The following ICAM4 variants were observed in gnomAD, a reference collection of about 807,000 sequenced individuals.
ICAM4 encodes the protein intercellular adhesion molecule 4.
ICAM4 carries 16 observed loss-of-function variants against 18.8 expected under a neutral mutation model. That is an observed-to-expected ratio of 0.85 (90% CI 0.58 to 1.29). The LOEUF (loss-of-function observed/expected upper bound fraction) is 1.29, where lower values mean the gene tolerates loss of function less well. ICAM4 is among the 50% of genes most tolerant of loss of function. The pLI is 0.00. For missense variants in ICAM4, 338 were observed against 364.3 expected (o/e 0.93, Z 0.59); for synonymous variants, 163 against 163.2 (o/e 1.00, Z 0.01).
Position 10,288,519 on chromosome 19 carries a change from C to T in ICAM4, c.*415C>T, listed in dbSNP as rs2040141355. On this transcript the variant is annotated 3_prime_UTR_variant, in exon 3 of 3. Coordinates refer to ENST00000380770, the MANE Select transcript of ICAM4 (RefSeq NM_001544.5). ...TGGAATCAATAAAGGCTTCCTTAACCAGCCTCTGTCCTGTGACCTAAGGGT... is the reference window on the plus strand; with the variant it reads ...TGGAATCAATAAAGGCTTCCTTAACTAGCCTCTGTCCTGTGACCTAAGGGT... 3.5e-6 allele frequency: 1 copy of T among 288,708 alleles called. No homozygotes were observed. Among genetic ancestry groups the T allele is most frequent in the African/African-American group, 2.2e-5 (1 of 45,688 alleles). The allele number at this position is 288,708 out of a possible 1,614,324, so 17.9% of individuals were successfully genotyped here. A position where few individuals can be genotyped will look rare whatever the true frequency, so the allele number is the denominator to read the frequency against.
At position 10,287,050 on chromosome 19, in the gene ICAM4, TGGCGGCCGC is replaced by T; in HGVS notation, c.39_47del (p.Leu13_Ala16delinsPhe). On this transcript the variant is annotated inframe_deletion, in exon 1 of 3. Transcript: ENST00000380770. This position sits in a 1 kb window ranked among gnomAD's most constrained non-coding sequence, Gnocchi z 8.7. ...TTCCCTCTGTCGCTGCTGTTTTTTT[TGGCGGCCGC>T]CTACCCGGGAGTTGGGAGCGCGCTG... 1 of 1,569,786 alleles carries T rather than the reference TGGCGGCCGC, an allele frequency of 6.4e-7. No homozygotes were observed. The highest frequency in any genetic ancestry group is 1.8e-5 in the Admixed American group (1 of 54,580).
At position 10,287,895 on chromosome 19, in the gene ICAM4, C is replaced by G. The variant is rs768046370; in HGVS notation, c.697+57C>G. On this transcript the variant is annotated intron_variant, in intron 2 of 2. Coordinates refer to ENST00000380770, the MANE Select transcript of ICAM4 (RefSeq NM_001544.5). The surrounding 1 kb of genome is among the most constrained non-coding windows in gnomAD (Gnocchi z 8.7). ...AGGAAGGGGGCAGAGAGAGTTATGA[C>G]CCCGAGAGGGCGCACAGACCAAGCG... is the stretch of plus-strand genomic sequence containing the variant. The G allele has an allele frequency of 6.2e-7, 1 of 1,607,624 alleles. No individual in the cohort carries two copies. Among genetic ancestry groups the G allele is most frequent in the African/African-American group, 1.3e-5 (1 of 74,860 alleles).
At position 10,287,473 on chromosome 19, in the gene ICAM4, A is replaced by G; in HGVS notation, c.395-63A>G. The G allele has an allele frequency of 1.9e-6, 3 of 1,591,496 alleles. No individual in the cohort carries two copies. The highest frequency in any genetic ancestry group is 2.6e-6 in the Non-Finnish European group (3 of 1,167,474). On this transcript the variant is annotated intron_variant, in intron 1 of 2. Transcript: ENST00000380770. The surrounding 1 kb of genome is among the most constrained non-coding windows in gnomAD (Gnocchi z 8.7). Reference sequence around the variant, plus strand: ...GGGCTGGAAGAGGTGGGGGAAGGGTAGTTGACAGTCGCTCTATAGGGAGCG... The same window carrying G: ...GGGCTGGAAGAGGTGGGGGAAGGGTGGTTGACAGTCGCTCTATAGGGAGCG...
In ICAM4 at chr19:10,287,972, C is replaced by G. The variant is rs2040133546; in HGVS notation, c.698-14C>G. On this transcript the variant is annotated splice_polypyrimidine_tract_variant and intron_variant, in intron 2 of 2. Coordinates refer to ENST00000380770, the MANE Select transcript of ICAM4 (RefSeq NM_001544.5). This position sits in a 1 kb window ranked among gnomAD's most constrained non-coding sequence, Gnocchi z 8.7. ...CCCTGTGTTCCGTTCCTAATTCTCG[C>G]CTTCTGCTCCCAGCTTGGAGCCCCG... 6.2e-7 allele frequency: 1 copy of G among 1,613,972 alleles called. No homozygotes were observed. Among genetic ancestry groups the G allele is most frequent in the Admixed American group, 1.7e-5 (1 of 59,996 alleles).
rs766565512 is a variant in ICAM4 at position 10,287,095 on chromosome 19, C to G, written c.83C>G (p.Thr28Ser). Residue 28 changes from threonine (T) to serine (S), a missense_variant, in exon 1 of 3, where the codon ACT becomes AGT. By Grantham distance (58) the Thr-to-Ser change is moderately conservative. Coordinates refer to ENST00000380770, the MANE Select transcript of ICAM4 (RefSeq NM_001544.5). This position sits in a 1 kb window ranked among gnomAD's most constrained non-coding sequence, Gnocchi z 8.7. The part of the protein sequence containing the change: ...PGVGSALGRR[T>S]KRAQSPKGSP... ...GTTGGGAGCGCGCTGGGACGCCGGA[C>G]TAAGCGGGCGCAAAGCCCCAAGGGT... 2 of 1,598,604 alleles carry G rather than the reference C, an allele frequency of 1.3e-6. No homozygotes were observed. Among genetic ancestry groups the G allele is most frequent in the Non-Finnish European group, 1.7e-6 (2 of 1,170,096 alleles).
In ICAM4 at chr19:10,287,893, G is replaced by A. The variant is rs747023961; in HGVS notation, c.697+55G>A. The stretch of plus-strand genomic sequence containing the variant: ...GGAGGAAGGGGGCAGAGAGAGTTAT[G>A]ACCCCGAGAGGGCGCACAGACCAAG... On this transcript the variant is annotated intron_variant, in intron 2 of 2. Coordinates refer to ENST00000380770, the MANE Select transcript of ICAM4 (RefSeq NM_001544.5). The surrounding 1 kb of genome is among the most constrained non-coding windows in gnomAD (Gnocchi z 8.7). The A allele has an allele frequency of 2.5e-6, 4 of 1,607,398 alleles. No individual in the cohort carries two copies. The highest frequency in any genetic ancestry group is 3.4e-6 in the Non-Finnish European group (4 of 1,178,028).
Position 10,287,372 on chromosome 19 carries a change from AAC to A in ICAM4, c.363_364del (p.Arg122LeufsTer177). ...ACTGCCTCGTGACCTGCGCAGGAAA[AAC>A]ACGCTGGGCCACCTCCAGGATCACC... ...AHCLVTCAGK[T>X]RWATSRITAY... On this transcript the variant is annotated frameshift_variant, in exon 1 of 3. Coordinates refer to ENST00000380770, the MANE Select transcript of ICAM4 (RefSeq NM_001544.5). LOFTEE classifies it high-confidence loss of function. This position sits in a 1 kb window ranked among gnomAD's most constrained non-coding sequence, Gnocchi z 8.7. 3.1e-6 allele frequency: 5 copies of A among 1,609,164 alleles called. No homozygotes were observed. The highest frequency in any genetic ancestry group is 4.2e-6 in the Non-Finnish European group (5 of 1,177,996).
chr19:10,287,492 G>C lies in ICAM4; in HGVS notation c.395-44G>C, dbSNP rs1448633336. 1 of 1,600,744 alleles carries C rather than the reference G, an allele frequency of 6.2e-7. No individual in the cohort carries two copies. The highest frequency in any genetic ancestry group is 8.5e-7 in the Non-Finnish European group (1 of 1,172,434). The stretch of plus-strand genomic sequence containing the variant: ...AAGGGTAGTTGACAGTCGCTCTATA[G>C]GGAGCGCCCGCGGACCTCACTCAGA... On this transcript the variant is annotated intron_variant, in intron 1 of 2. Coordinates refer to ENST00000380770, the MANE Select transcript of ICAM4 (RefSeq NM_001544.5). The surrounding 1 kb of genome is among the most constrained non-coding windows in gnomAD (Gnocchi z 8.7).
Position 10,287,574 on chromosome 19 carries a change from A to T in ICAM4, c.433A>T (p.Lys145Ter), listed in dbSNP as rs2145021135. The T allele has an allele frequency of 6.2e-7, 1 of 1,613,884 alleles. No homozygotes were observed. Among genetic ancestry groups the T allele is most frequent in the East Asian group, 2.2e-5 (1 of 44,856 alleles). The change falls in exon 2 of 3, where the codon AAG becomes TAG. Residue 145 changes from lysine to a stop codon, truncating the protein, a stop_gained. Transcript: ENST00000380770. LOFTEE classifies it high-confidence loss of function. The surrounding 1 kb of genome is among the most constrained non-coding windows in gnomAD (Gnocchi z 8.7). ...HSVILEPPVL[K>*]GRKYTLRCHV... ...CGTGATTTTGGAGCCTCCGGTCTTA[A>T]AGGGCAGGAAATACACTTTGCGCTG...
At position 10,287,957 on chromosome 19, in the gene ICAM4, C is replaced by T. The variant is rs761536113; in HGVS notation, c.698-29C>T. 3.1e-6 allele frequency: 5 copies of T among 1,613,810 alleles called. No individual in the cohort carries two copies. The highest frequency in any genetic ancestry group is 4.2e-6 in the Non-Finnish European group (5 of 1,179,968). ...CGGGTCGACAGACCTCCCTGTGTTCCGTTCCTAATTCTCGCCTTCTGCTCC... is the reference window on the plus strand; with the variant it reads ...CGGGTCGACAGACCTCCCTGTGTTCTGTTCCTAATTCTCGCCTTCTGCTCC... On this transcript the variant is annotated intron_variant, in intron 2 of 2. Coordinates refer to ENST00000380770, the MANE Select transcript of ICAM4 (RefSeq NM_001544.5). This position sits in a 1 kb window ranked among gnomAD's most constrained non-coding sequence, Gnocchi z 8.7.
At position 10,287,614 on chromosome 19, in the gene ICAM4, T is replaced by C. The variant is rs1287766526; in HGVS notation, c.473T>C (p.Val158Ala). 2 of 1,614,112 alleles carry C rather than the reference T, an allele frequency of 1.2e-6. No individual in the cohort carries two copies. Among genetic ancestry groups the C allele is most frequent in the Admixed American group, 1.7e-5 (1 of 60,008 alleles). ...ACTTTGCGCTGCCACGTGACGCAGG[T>C]GTTCCCGGTGGGCTACTTGGTGGTG... ...KYTLRCHVTQ[V>A]FPVGYLVVTL... The change falls in exon 2 of 3, where the codon GTG becomes GCG. Residue 158 changes from valine (V) to alanine (A), a missense_variant. Val to Ala is a moderately conservative substitution (Grantham distance 64). Coordinates refer to ENST00000380770, the MANE Select transcript of ICAM4 (RefSeq NM_001544.5). The surrounding 1 kb of genome is among the most constrained non-coding windows in gnomAD (Gnocchi z 8.7).
rs927380669 is a variant in ICAM4, at chr19:10,288,487, A to G, written c.*383A>G. On this transcript the variant is annotated 3_prime_UTR_variant, in exon 3 of 3. Transcript: ENST00000380770. ...AAATAAAAATAAATATTGGCGGGGG[A>G]ACCCTCTGGAATCAATAAAGGCTTC... 4.2e-4 allele frequency: 142 copies of G among 339,418 alleles called. No homozygotes were observed. The highest frequency in any genetic ancestry group is 2.8e-3 in the African/African-American group (135 of 47,528). The allele number at this position is 339,418 out of a possible 1,614,324, so 21.0% of individuals were successfully genotyped here.
chr19:10,288,065 G>T lies in ICAM4; in HGVS notation c.777G>T (p.Ala259=). 1 of 1,614,166 alleles carries T rather than the reference G, an allele frequency of 6.2e-7. No individual in the cohort carries two copies. The highest frequency in any genetic ancestry group is 8.5e-7 in the Non-Finnish European group (1 of 1,180,026). The change falls in exon 3 of 3, where the codon GCG becomes GCT. Residue 259 remains alanine, a synonymous_variant. Coordinates refer to ENST00000380770, the MANE Select transcript of ICAM4 (RefSeq NM_001544.5). ...LVGILLTVGA[A]YLCKCLAMKS... is the part of the protein sequence containing the mutation. The stretch of plus-strand genomic sequence containing the variant: ...GGATCCTCCTCACTGTGGGCGCTGC[G>T]TACCTATGCAAGTGCCTAGCTATGA...
rs1327803667 is a variant in ICAM4 at position 10,287,309 on chromosome 19, C to T, written c.297C>T (p.Tyr99=). The part of the protein sequence containing the change: ...KTLRGPGWVS[Y]QLLDVRAWSS... ...TCAGAGGGCCGGGTTGGGTGTCTTACCAGCTGCTCGACGTGAGGGCCTGGA... is the reference window on the plus strand; with the variant it reads ...TCAGAGGGCCGGGTTGGGTGTCTTATCAGCTGCTCGACGTGAGGGCCTGGA... Residue 99 remains tyrosine (Y), a synonymous_variant, in exon 1 of 3, where the codon TAC becomes TAT. Coordinates refer to ENST00000380770, the MANE Select transcript of ICAM4 (RefSeq NM_001544.5). The surrounding 1 kb of genome is among the most constrained non-coding windows in gnomAD (Gnocchi z 8.7). 1.2e-6 allele frequency: 2 copies of T among 1,613,750 alleles called. No homozygotes were observed. Among genetic ancestry groups the T allele is most frequent in the Non-Finnish European group, 1.7e-6 (2 of 1,180,020 alleles).
At position 10,287,195 on chromosome 19, in the gene ICAM4, G is replaced by C. The variant is rs755983745; in HGVS notation, c.183G>C (p.Pro61=). ...RMSPEFVAVQ[P]GKSVQLNCSN... is the part of the protein sequence containing the mutation. ...GCCCGGAGTTCGTGGCTGTGCAGCC[G>C]GGGAAGTCAGTGCAGCTCAATTGCA... Residue 61 remains proline, a synonymous_variant, in exon 1 of 3, where the codon CCG becomes CCC. Transcript: ENST00000380770. This position sits in a 1 kb window ranked among gnomAD's most constrained non-coding sequence, Gnocchi z 8.7. 1 of 1,612,224 alleles carries C rather than the reference G, an allele frequency of 6.2e-7. No homozygotes were observed. Among genetic ancestry groups the C allele is most frequent in the East Asian group, 2.2e-5 (1 of 44,828 alleles).
rs759287293 is a variant in ICAM4 at position 10,287,054 on chromosome 19, G to T, written c.42G>T (p.Ala14=). ...CTCTGTCGCTGCTGTTTTTTTTGGC[G>T]GCCGCCTACCCGGGAGTTGGGAGCG... is the stretch of plus-strand genomic sequence containing the variant. ...LFPLSLLFFL[A]AAYPGVGSAL... is the part of the protein sequence containing the mutation. Residue 14 remains alanine (A), a synonymous_variant, in exon 1 of 3, where the codon GCG becomes GCT. Coordinates refer to ENST00000380770, the MANE Select transcript of ICAM4 (RefSeq NM_001544.5). This position sits in a 1 kb window ranked among gnomAD's most constrained non-coding sequence, Gnocchi z 8.7. The T allele has an allele frequency of 1.9e-6, 3 of 1,563,008 alleles. No individual in the cohort carries two copies. Among genetic ancestry groups the T allele is most frequent in the Admixed American group, 1.9e-5 (1 of 52,256 alleles).
rs747694527 is a variant in ICAM4, at chr19:10,288,030, G to A, written c.742G>A (p.Ala248Thr). Residue 248 changes from alanine (A) to threonine (T), a missense_variant, in exon 3 of 3, where the codon GCC becomes ACC. Physicochemically the swap from Ala to Thr is moderately conservative, Grantham distance 58. Transcript: ENST00000380770. ...PTALASGSIA[A>T]LVGILLTVGA... The stretch of plus-strand genomic sequence containing the variant: ...AGCTTTGGCCTCCGGTTCCATCGCT[G>A]CCCTTGTAGGGATCCTCCTCACTGT... 6.2e-7 allele frequency: 1 copy of A among 1,614,146 alleles called. No homozygotes were observed. The highest frequency in any genetic ancestry group is 1.1e-5 in the South Asian group (1 of 91,088).
Position 10,287,261 on chromosome 19 carries a change from C to G in ICAM4, c.249C>G (p.Thr83=). ...CPQPQNSSLR[T]PLRQGKTLRG... is the part of the protein sequence containing the mutation. ...AGCCGCAGAATTCCAGCCTCCGCAC[C>G]CCGCTGCGGCAAGGCAAGACGCTCA... is the stretch of plus-strand genomic sequence containing the variant. The change falls in exon 1 of 3, where the codon ACC becomes ACG. Residue 83 remains threonine (T), a synonymous_variant. Transcript: ENST00000380770. The surrounding 1 kb of genome is among the most constrained non-coding windows in gnomAD (Gnocchi z 8.7). 6.2e-7 allele frequency: 1 copy of G among 1,613,686 alleles called. No homozygotes were observed. The highest frequency in any genetic ancestry group is 8.5e-7 in the Non-Finnish European group (1 of 1,180,016).
chr19:10,288,347 C>G lies in ICAM4; in HGVS notation c.*243C>G. ...CCTGTGGTCCCAGCTACCCGGGAGGCTGAGTTGGGAGGATCCTTTGAGCCC... is the reference window on the plus strand; with the variant it reads ...CCTGTGGTCCCAGCTACCCGGGAGGGTGAGTTGGGAGGATCCTTTGAGCCC... On this transcript the variant is annotated 3_prime_UTR_variant, in exon 3 of 3. Transcript: ENST00000380770. The G allele has an allele frequency of 1.6e-6, 1 of 637,484 alleles. No homozygotes were observed. The highest frequency in any genetic ancestry group is 1.8e-5 in the South Asian group (1 of 54,882). The allele number at this position is 637,484 out of a possible 1,614,324, so 39.5% of individuals were successfully genotyped here.
Sources: allele counts gnomAD v4.1 joint callset, GRCh38; gene constraint gnomAD v4.1.1; non-coding constraint Gnocchi (gnomAD v3.1); transcripts MANE v1.5; gene names NCBI Gene and HGNC (gene_info 2026-07-23, HGNC 2026-07-21).